CCNB3: variants seen among roughly 807,000 people sequenced by gnomAD.
The protein encoded by CCNB3 is cyclin B3, also known as G2/mitotic-specific cyclin-B3.
A neutral mutation model predicts 68.0 loss-of-function variants in CCNB3; 12 were observed. The ratio of observed to expected loss-of-function variants is 0.18; its 90% CI spans 0.11 to 0.29. The LOEUF is 0.29. Ranked by LOEUF, CCNB3 falls within the 10% of genes least tolerant of loss-of-function variation. The pLI is 1.00. For missense variants in CCNB3, 904 were observed against 993.1 expected (o/e 0.91, Z 1.21); for synonymous variants, 354 against 388.9 (o/e 0.91, Z 1.06).
chrX:50,207,125 A>G (rs1935382237), intron 1 of CCNB3, among the ~76,000 whole-genome samples: 1 of 112,064 alleles, frequency 8.9e-6, no homozygotes. Flanking sequence ...ATTTATTGAT[A>G]CATTTCCTTA....
At chrX:50,324,377 C>A (rs144619104) in intron 8 of CCNB3, among the ~76,000 whole-genome samples, 1 of 111,970 alleles carries the variant, frequency 8.9e-6, no homozygotes, top group Admixed American at 9.5e-5. Context: ...AAAATGTATC[C>A]ATTTCTTGGA....
chrX:50,314,093 G>A, intron 8 of CCNB3, 145 bp downstream of exon 8: 2 of 426,381 alleles, frequency 4.7e-6, no homozygotes, highest in South Asian at 9.5e-5. Context: ...TGATTTAGGA[G>A]GCAAGATAAG....
rs1053906776 is a variant in CCNB3 at position 50,294,789 on chromosome X, T to C, written c.205-74T>C. The stretch of plus-strand genomic sequence containing the variant: ...GGACTTTCCTATGAGAGCCACCTTT[T>C]AGGTAATTTGTGGTTTTCTTCATTT... On this transcript the variant is annotated intron_variant, in intron 4 of 12. Coordinates refer to ENST00000376042, the MANE Select transcript of CCNB3 (RefSeq NM_033031.3). 64 of 1,107,709 alleles carry C rather than the reference T, an allele frequency of 5.8e-5. No individual in the cohort carries two copies. The African/African-American group carries it at 1.1e-3, about 20-fold the overall frequency. The allele number at this position is 1,107,709 out of a possible 1,213,427, so 91.3% of individuals were successfully genotyped here. A position where few individuals can be genotyped will look rare whatever the true frequency, so the allele number is the denominator to read the frequency against.
Position 50,310,000 on chromosome X carries a change from A to G in CCNB3, c.1831A>G (p.Thr611Ala), listed in dbSNP as rs782734757. Residue 611 changes from threonine to alanine, a missense_variant, in exon 6 of 13, where the codon ACT (threonine) becomes GCT (alanine). By Grantham distance (58) the Thr-to-Ala change is moderately conservative. Around this residue, in one of 2 missense-constraint regions of CCNB3, gnomAD observed 619 missense variants for 609.8 expected, o/e 1.02. Coordinates refer to ENST00000376042, the MANE Select transcript of CCNB3 (RefSeq NM_033031.3). The part of the protein sequence containing the change: ...LKKPLVLQKI[T>A]SEEESFYKKL... ...GAAGCCACTGGTCTTGCAGAAGATCACTTCTGAGGAGGAGTCATTCTATAA... is the reference window on the plus strand; with the variant it reads ...GAAGCCACTGGTCTTGCAGAAGATCGCTTCTGAGGAGGAGTCATTCTATAA... The G allele has an allele frequency of 1.9e-5, 23 of 1,208,727 alleles. No homozygotes were observed. The South Asian group carries it at 3.9e-4, about 20-fold the overall frequency.
rs1557216878 is a variant in CCNB3 at position 50,323,574 on chromosome X, A to C, written c.3516+9626A>C. On this transcript the variant is annotated intron_variant, in intron 8 of 12. Transcript: ENST00000376042. ...TAGAACTTAAAGTATAATAAAAAAA[A>C]TTTATTACTAGTATATTGGGAAACA... Among the ~76,000 whole-genome samples, 6 of 112,487 alleles carry C rather than the reference A, an allele frequency of 5.3e-5. No individual in the cohort carries two copies. In the Admixed American group the frequency reaches 5.6e-4, roughly 11 times the overall value.
chrX:50,214,939 T>A (rs1276829238), intron 1 of CCNB3, among the ~76,000 whole-genome samples: 4 of 108,661 alleles, frequency 3.7e-5, no homozygotes, highest in Non-Finnish European at 7.6e-5. Context: ...TCATCTTTGA[T>A]CCATGAGGTA....
rs1936214143 is a variant in CCNB3 at position 50,285,169 on chromosome X, A to G, written c.6A>G (p.Leu2=). ...CGCAGCTGAATCTCTAAGTGATGCT[A>G]CTGCCACTACCACCCCAGAGCTCCA... The part of the protein sequence containing the change: M[L]LPLPPQSSKP... The change falls in exon 3 of 13, where the codon CTA becomes CTG. Residue 2 remains leucine, a synonymous_variant. Coordinates refer to ENST00000376042, the MANE Select transcript of CCNB3 (RefSeq NM_033031.3). 1 of 1,204,618 alleles carries G rather than the reference A, an allele frequency of 8.3e-7. No homozygotes were observed. Among genetic ancestry groups the G allele is most frequent in the Non-Finnish European group, 1.1e-6 (1 of 889,178 alleles).
At chrX:50,315,835 G>A (rs1222251942) in intron 8 of CCNB3, among the ~76,000 whole-genome samples, 3 of 111,343 alleles carry the variant, frequency 2.7e-5, no homozygotes, top group Admixed American at 9.6e-5. Flanking sequence ...GTCATTTCAT[G>A]AATGTTATAT....
rs782268246 is a variant in CCNB3 at position 50,308,514 on chromosome X, G to A, written c.345G>A (p.Leu115=). 8.4e-7 allele frequency: 1 copy of A among 1,189,200 alleles called. No individual in the cohort carries two copies. The highest frequency in any genetic ancestry group is 1.1e-6 in the Non-Finnish European group (1 of 879,546). ...ATTGTTTCCTTCACAGGCATAAGCTGGAAGTCACACCAGTAGTAGCCTCTA... is the reference window on the plus strand; with the variant it reads ...ATTGTTTCCTTCACAGGCATAAGCTAGAAGTCACACCAGTAGTAGCCTCTA... ...KNKRNLKWHK[L]EVTPVVASTT... The change falls in exon 6 of 13, where the codon CTG becomes CTA. Residue 115 remains leucine (L), a synonymous_variant. Transcript: ENST00000376042.
chrX:50,315,039 A>G (rs1278279944), intron 8 of CCNB3, among the ~76,000 whole-genome samples: 2 of 112,081 alleles, frequency 1.8e-5, no homozygotes, highest in African/African-American at 6.5e-5. Flanking sequence ...ATAAAAATGT[A>G]CATTATAGCA....
At chrX:50,279,034 A>G (rs1936007520) in intron 1 of CCNB3, among the ~76,000 whole-genome samples, 1 of 58,089 alleles carries the variant, frequency 1.7e-5, no homozygotes, top group African/African-American at 7.5e-5. Flanking sequence ...ATATATTTAT[A>G]GAATATAGAT....
chrX:50,225,024 T>C lies in CCNB3; in HGVS notation c.-113+20074T>C, dbSNP rs948937692. On this transcript the variant is annotated intron_variant, in intron 1 of 12. Coordinates refer to ENST00000376042, the MANE Select transcript of CCNB3 (RefSeq NM_033031.3). ...TTTTGTTAATGCTTATCACTGGAGATAGAGCACAACATGTATGGTCCTACG... is the reference window on the plus strand; with the variant it reads ...TTTTGTTAATGCTTATCACTGGAGACAGAGCACAACATGTATGGTCCTACG... Among the ~76,000 whole-genome samples, 83 of 111,781 alleles carry C rather than the reference T, an allele frequency of 7.4e-4. 1 individual carries two copies. The highest frequency in any genetic ancestry group is 2.6e-3 in the African/African-American group (80 of 30,830).
At chrX:50,209,306 T>A (rs1318387871) in intron 1 of CCNB3, among the ~76,000 whole-genome samples, 1 of 111,406 alleles carries the variant, frequency 9.0e-6, no homozygotes, top group Non-Finnish European at 1.9e-5. Flanking sequence ...TAACATGATA[T>A]CGACCCTCTT....
At chrX:50,214,620 T>C (rs1465587249) in intron 1 of CCNB3, among the ~76,000 whole-genome samples, 1 of 97,892 alleles carries the variant, frequency 1.0e-5, no homozygotes, top group East Asian at 3.1e-4. Context: ...TAGTATATAA[T>C]ATTGTATTTT....
chrX:50,331,986 C>G (rs911365557), intron 8 of CCNB3, among the ~76,000 whole-genome samples: 2 of 111,033 alleles, frequency 1.8e-5, no homozygotes, highest in African/African-American at 3.3e-5. Context: ...TCCAAGTGGC[C>G]CAAATGACAC....
chrX:50,305,754 A>G (rs940772350), intron 5 of CCNB3, among the ~76,000 whole-genome samples: 2 of 99,298 alleles, frequency 2.0e-5, no homozygotes, highest in Non-Finnish European at 4.0e-5. Flanking sequence ...AAGTATTGAT[A>G]TGGGTTTTTT....
chrX:50,344,516 AT>A, intron 9 of CCNB3, among the ~76,000 whole-genome samples: 1 of 111,904 alleles, frequency 8.9e-6, no homozygotes, highest in Middle Eastern at 4.6e-3. Flanking sequence ...AGGTTCTTCC[AT>A]TTTCTGTCTG....
At chrX:50,283,242 T>A (rs1936173896) in intron 1 of CCNB3, among the ~76,000 whole-genome samples, 1 of 111,631 alleles carries the variant, frequency 9.0e-6, no homozygotes, top group South Asian at 3.8e-4. Context: ...GTGCTCATTC[T>A]ACCTCCTCAT....
intron 8 of CCNB3, among the ~76,000 whole-genome samples, chrX:50,317,997 C>G (rs1216414873): frequency 9.0e-6 from 1 of 110,885 alleles, no homozygotes; most frequent in Admixed American, 9.6e-5. Flanking sequence ...ATATGAGTGT[C>G]TAATTGTTCT....
Sources: allele counts gnomAD v4.1 joint callset (sites outside exome capture counted in the v4.1 genomes callset), GRCh38; gene constraint gnomAD v4.1.1; regional missense constraint gnomAD v4.1.1; transcripts MANE v1.5; gene names NCBI Gene and HGNC (gene_info 2026-07-23, HGNC 2026-07-21).